Variants in STRN3 observed in about 807,000 individuals in gnomAD.
STRN3 encodes striatin 3.
In STRN3, 29 loss-of-function variants were observed where a neutral mutation model predicts 95.6. That is an observed-to-expected ratio of 0.30 (90% confidence interval 0.23 to 0.41). The LOEUF (loss-of-function observed/expected upper bound fraction) is 0.41, where lower values mean the gene tolerates loss of function less well. Among genes scored for constraint, STRN3 ranks in the 10% least tolerant of loss-of-function variants. The pLI, the probability that STRN3 is intolerant of heterozygous loss-of-function variation, is 1.00. For synonymous variants in STRN3, 331 were observed against 357.6 expected (o/e 0.93, Z 0.84); for missense variants, 890 against 972.1 (o/e 0.92, Z 1.12).
chr14:30,969,082 A>G (rs1045132857), intron 1 of STRN3, among the ~76,000 whole-genome samples: 5 of 152,260 alleles, frequency 3.3e-5, no homozygotes, highest in South Asian at 2.1e-4. Flanking sequence ...AAACAAAAGC[A>G]TAACAGGTTT....
intron 8 of STRN3, among the ~76,000 whole-genome samples, chr14:30,927,593 C>T (rs73257921): frequency 0.011 from 1,604 of 151,278 alleles, 34 homozygotes; most frequent in African/African-American, 0.037. Context: ...AAGCAATCCA[C>T]TAGTAAAATA....
intron 16 of STRN3, among the ~76,000 whole-genome samples, chr14:30,896,342 TTAAA>T (rs1566422159): frequency 1.3e-5 from 2 of 152,030 alleles, no homozygotes; most frequent in Non-Finnish European, 2.9e-5. Context: ...TAAACTGGAA[TTAAA>T]TAAGCCAAGT....
At chr14:30,982,643 A>G (rs1881469667) in intron 1 of STRN3, among the ~76,000 whole-genome samples, 1 of 152,230 alleles carries the variant, frequency 6.6e-6, no homozygotes, top group Non-Finnish European at 1.5e-5. Context: ...CTGTATTCCA[A>G]TAATTTCACA....
At chr14:30,902,103 CGAGATTGCAGTGAGCT>C (rs1896333460) in intron 16 of STRN3, among the ~76,000 whole-genome samples, 2 of 135,918 alleles carry the variant, frequency 1.5e-5, no homozygotes, top group East Asian at 2.3e-4. Flanking sequence ...CTCAAGAGGC[CGAGATTGCAGTGAGCT>C]GAGATTGCAC....
intron 1 of STRN3, among the ~76,000 whole-genome samples, chr14:31,006,550 G>A (rs1241199161): frequency 6.6e-6 from 1 of 152,064 alleles, no homozygotes; most frequent in Admixed American, 6.6e-5. Context: ...ATAAAAAAAG[G>A]CTGGGCATGG....
chr14:31,025,810 A>G, intron 1 of STRN3, 94 bp downstream of exon 1: 1 of 1,512,046 alleles, frequency 6.6e-7, no homozygotes, highest in East Asian at 2.5e-5. Context: ...CGGCCTCCCA[A>G]GGCGCCGGCT....
At chr14:30,897,774 A>T (rs1186338968) in intron 16 of STRN3, among the ~76,000 whole-genome samples, 1 of 152,238 alleles carries the variant, frequency 6.6e-6, no homozygotes, top group Non-Finnish European at 1.5e-5. Flanking sequence ...AGCCCAAAGA[A>T]CAGAAAAGTC....
rs1223080132 is a variant in STRN3, at chr14:30,895,848, C to T, written c.2138-100G>A. On this transcript the variant is annotated intron_variant, in intron 16 of 17. Coordinates refer to ENST00000357479, the MANE Select transcript of STRN3 (RefSeq NM_001083893.2). Reference sequence around the variant, plus strand: ...CATCAACATAAAACAATCATTATAGCAACTTTTTTATTGTGGTAAAATATA... The same window carrying T: ...CATCAACATAAAACAATCATTATAGTAACTTTTTTATTGTGGTAAAATATA... 9 of 1,015,384 alleles carry T rather than the reference C, an allele frequency of 8.9e-6. No individual in the cohort carries two copies. In the Admixed American group the frequency reaches 2.6e-4, roughly 29 times the overall value. 62.9% of individuals were successfully genotyped at this position (1,015,384 alleles called of 1,614,324 possible). A position where few individuals can be genotyped will look rare whatever the true frequency, so the allele number is the denominator to read the frequency against.
At chr14:30,976,623 T>A (rs1188555477) in intron 1 of STRN3, among the ~76,000 whole-genome samples, 1 of 152,232 alleles carries the variant, frequency 6.6e-6, no homozygotes, top group East Asian at 1.9e-4. Flanking sequence ...TTTTGGACCA[T>A]AAAACCCATC....
At chr14:30,994,830 A>T (rs1882125826) in intron 1 of STRN3, among the ~76,000 whole-genome samples, 1 of 152,236 alleles carries the variant, frequency 6.6e-6, no homozygotes. Flanking sequence ...TTAATGCCAC[A>T]TATTACAAAA....
rs1259537186 is a variant in STRN3, at chr14:30,894,302, G to GA, written c.*1108dup. On this transcript the variant is annotated 3_prime_UTR_variant, in exon 18 of 18. Coordinates refer to ENST00000357479, the MANE Select transcript of STRN3 (RefSeq NM_001083893.2). ...TAAACCAAGATATATATCTTAGGGGGAACCACCTTGGTTTGTAATTTAAAC... is the reference window on the plus strand; with the variant it reads ...TAAACCAAGATATATATCTTAGGGGGAAACCACCTTGGTTTGTAATTTAAAC... 1.3e-5 allele frequency: 2 copies of GA among 152,320 alleles called. No individual in the cohort carries two copies. The highest frequency in any genetic ancestry group is 2.4e-5 in the African/African-American group (1 of 41,424). The allele number at this position is 152,320 out of a possible 1,614,324, so 9.4% of individuals were successfully genotyped here. A position where few individuals can be genotyped will look rare whatever the true frequency, so the allele number is the denominator to read the frequency against.
intron 5 of STRN3, among the ~76,000 whole-genome samples, chr14:30,946,078 C>T (rs879154277): frequency 3.9e-5 from 6 of 152,134 alleles, no homozygotes; most frequent in Admixed American, 2.0e-4. Flanking sequence ...GTTTCTTTCA[C>T]GCTAGGGTCT....
chr14:30,978,165 A>C (rs1406476579), intron 1 of STRN3, among the ~76,000 whole-genome samples: 1 of 152,234 alleles, frequency 6.6e-6, no homozygotes, highest in Non-Finnish European at 1.5e-5. Context: ...TGATGAAGCC[A>C]GCATTATCCT....
chr14:30,902,245 C>CAAG (rs1896343006), intron 16 of STRN3, among the ~76,000 whole-genome samples: 1 of 145,158 alleles, frequency 6.9e-6, no homozygotes, highest in Non-Finnish European at 1.5e-5. Context: ...TCTACCTCTT[C>CAAG]CATCATACTT....
In STRN3 at chr14:30,929,972, A is replaced by AAAAAAAAC. The variant is rs1566441501; in HGVS notation, c.989-669_989-662dup. ...AGATTAGCAAAAAAAAAAAAAAAAA[A>AAAAAAAAC]AAAAAAACTCAAATTCCACTGAAGA... On this transcript the variant is annotated intron_variant, in intron 7 of 17. Coordinates refer to ENST00000357479, the MANE Select transcript of STRN3 (RefSeq NM_001083893.2). 1.2e-3 allele frequency among the ~76,000 whole-genome samples: 175 copies of AAAAAAAAC among 149,614 alleles called. 4 individuals carry two copies. Among genetic ancestry groups the AAAAAAAAC allele is most frequent in the African/African-American group, 4.0e-3 (162 of 40,792 alleles).
intron 1 of STRN3, among the ~76,000 whole-genome samples, chr14:30,984,879 C>A (rs1054947964): frequency 6.6e-6 from 1 of 151,978 alleles, no homozygotes; most frequent in Non-Finnish European, 1.5e-5. Flanking sequence ...TTTGTTATAC[C>A]CCTTTAGAAG....
chr14:30,971,704 TCA>T (rs1344606852), intron 1 of STRN3, among the ~76,000 whole-genome samples: 1 of 152,202 alleles, frequency 6.6e-6, no homozygotes, highest in Admixed American at 6.5e-5. Context: ...CTGCAAGGTC[TCA>T]CTGCTCTATC....
intron 1 of STRN3, 87 bp downstream of exon 1, chr14:31,025,817 G>T: frequency 6.6e-7 from 1 of 1,521,600 alleles, no homozygotes; most frequent in Non-Finnish European, 8.8e-7. Context: ...CCAAGGCGCC[G>T]GCTCCGGCTG....
rs1184963094 is a variant in STRN3 at position 30,951,947 on chromosome 14, G to A, written c.461-1003C>T. ...AGCCTGAGCAACACGGTGAAACGCC[G>A]TCTCTAGCAAAAATACAAAAGTTAG... On this transcript the variant is annotated intron_variant, in intron 3 of 17. Coordinates refer to ENST00000357479, the MANE Select transcript of STRN3 (RefSeq NM_001083893.2). Among the ~76,000 whole-genome samples the A allele has an allele frequency of 5.9e-5, 9 of 151,950 alleles. 1 individual carries two copies. Among genetic ancestry groups the A allele is most frequent in the Non-Finnish European group, 8.8e-5 (6 of 67,962 alleles).
Sources: gnomAD v4.1 joint callset for allele counts (sites outside exome capture counted in the v4.1 genomes callset) on GRCh38, gnomAD v4.1.1 for gene constraint, MANE v1.5 for transcripts, NCBI Gene and HGNC (gene_info 2026-07-23, HGNC 2026-07-21) for gene names.